Variants in PSD3 observed in about 807,000 individuals in gnomAD.
The protein encoded by PSD3 is PH and SEC7 domain-containing protein 3.
In PSD3, 49 loss-of-function variants were observed where a neutral mutation model predicts 105.5. The ratio of observed to expected loss-of-function variants is 0.46; its 90% CI spans 0.37 to 0.59. The LOEUF is 0.59. PSD3 is among the 20% of genes least tolerant of loss of function. PSD3 has a pLI of 0.00. For synonymous variants in PSD3, 557 were observed against 457.8 expected (o/e 1.22, Z -2.77); for missense variants, 1,561 against 1,263.8 (o/e 1.24, Z -3.57).
At chr8:18,595,286 A>G (rs866719097) in intron 12 of PSD3, among the ~76,000 whole-genome samples, 2 of 151,764 alleles carry the variant, frequency 1.3e-5, no homozygotes, top group Middle Eastern at 6.8e-3. Context: ...TATTACAAAA[A>G]AAAAAAAAAA....
In PSD3 at chr8:18,871,932, C is replaced by T; in HGVS notation, c.932G>A (p.Gly311Glu). ...FQGVEILWTG[G>E]DKRETQHPID... ...AGGATGCTGGGTCTCTCTCTTGTCT[C>T]CTCCTGTCCACAGTATTTCCACTCC... Residue 311 changes from glycine (G) to glutamate (E), a missense_variant, in exon 3 of 16, where the codon GGA becomes GAA. Physicochemically the swap from Gly to Glu is moderately conservative, Grantham distance 98. Transcript: ENST00000327040. The T allele has an allele frequency of 6.2e-7, 1 of 1,614,192 alleles. No homozygotes were observed. Among genetic ancestry groups the T allele is most frequent in the South Asian group, 1.1e-5 (1 of 91,078 alleles).
chr8:19,040,262 G>T (rs1030023688), intron 1 of PSD3, among the ~76,000 whole-genome samples: 1 of 152,048 alleles, frequency 6.6e-6, no homozygotes, highest in Non-Finnish European at 1.5e-5. Flanking sequence ...GAGTGCAGCG[G>T]CATGATCTTC....
intron 4 of PSD3, among the ~76,000 whole-genome samples, chr8:18,844,808 A>G (rs527323062): frequency 6.6e-6 from 1 of 152,364 alleles, no homozygotes; most frequent in African/African-American, 2.4e-5. Context: ...GAAGAATCGT[A>G]CAGCCAAATT....
chr8:18,707,572 T>C (rs1183666277), intron 9 of PSD3, among the ~76,000 whole-genome samples: 1 of 152,172 alleles, frequency 6.6e-6, no homozygotes, highest in Non-Finnish European at 1.5e-5. Context: ...TGCAAGACTA[T>C]GAGATAGATA....
At chr8:18,688,552 C>G (rs1800791301) in intron 9 of PSD3, among the ~76,000 whole-genome samples, 1 of 152,208 alleles carries the variant, frequency 6.6e-6, no homozygotes, top group African/African-American at 2.4e-5. Flanking sequence ...AGTCTGCAAT[C>G]TTTTGCTACA....
chr8:18,945,294 G>A (rs1431386073), intron 1 of PSD3, among the ~76,000 whole-genome samples: 1 of 103,700 alleles, frequency 9.6e-6, no homozygotes, highest in Non-Finnish European at 2.1e-5. Context: ...ATCCTTATAA[G>A]AGGGAAGAAA....
chr8:19,073,388 C>G (rs1334212355), intron 1 of PSD3, among the ~76,000 whole-genome samples: 1 of 151,620 alleles, frequency 6.6e-6, no homozygotes, highest in Non-Finnish European at 1.5e-5. Context: ...CCATCTCTAC[C>G]AATAATACAA....
At position 18,872,668 on chromosome 8, in the gene PSD3, T is replaced by C. The variant is rs758450614; in HGVS notation, c.196A>G (p.Met66Val). 1.9e-5 allele frequency: 30 copies of C among 1,601,578 alleles called. No homozygotes were observed. In the Middle Eastern group the frequency reaches 2.3e-3, roughly 125 times the overall value. Reference protein sequence around the residue: ...VTNEFPEYGTMEEGGEGLRAS... With the variant: ...VTNEFPEYGTVEEGGEGLRAS... ...CTTAGGCCTTCTCCACCTTCCTCCA[T>C]GGTCCCATATTCTGGAAATTCATTT... The change falls in exon 3 of 16, where the codon ATG (methionine) becomes GTG (valine). Residue 66 changes from methionine (M) to valine (V), a missense_variant. By Grantham distance (21) the Met-to-Val change is conservative (BLOSUM62 1). Transcript: ENST00000327040.
chr8:18,563,588 G>A (rs1469973510), intron 14 of PSD3, among the ~76,000 whole-genome samples: 2 of 152,148 alleles, frequency 1.3e-5, no homozygotes, highest in Non-Finnish European at 2.9e-5. Context: ...ATAATTTCAT[G>A]TTTAAGACAG....
At chr8:19,010,664 C>G (rs1826910980) in intron 1 of PSD3, among the ~76,000 whole-genome samples, 1 of 152,108 alleles carries the variant, frequency 6.6e-6, no homozygotes, top group African/African-American at 2.4e-5. Context: ...AATGCCACCA[C>G]TTAAATTCTT....
intron 1 of PSD3, among the ~76,000 whole-genome samples, chr8:19,053,764 C>T (rs1249482729): frequency 6.6e-6 from 1 of 151,916 alleles, no homozygotes; most frequent in Non-Finnish European, 1.5e-5. Flanking sequence ...GTATCTTAAA[C>T]TTTATCACTA....
intron 11 of PSD3, among the ~76,000 whole-genome samples, chr8:18,601,987 C>T (rs1045410059): frequency 6.6e-6 from 1 of 152,134 alleles, no homozygotes; most frequent in Non-Finnish European, 1.5e-5. Flanking sequence ...CACCCACCAG[C>T]CCCTAACAAG....
intron 1 of PSD3, among the ~76,000 whole-genome samples, chr8:18,959,918 C>T (rs1823807809): frequency 6.6e-6 from 1 of 152,192 alleles, no homozygotes; most frequent in Admixed American, 6.5e-5. Context: ...TGTGGTCCCT[C>T]AGGCTGGAAA....
intron 4 of PSD3, among the ~76,000 whole-genome samples, chr8:18,811,892 T>C (rs2129448419): frequency 6.6e-6 from 1 of 152,310 alleles, no homozygotes; most frequent in Middle Eastern, 3.4e-3. Flanking sequence ...TATATTCCAT[T>C]TAGTAACAGA....
At chr8:18,646,812 A>C (rs1174075001) in intron 10 of PSD3, among the ~76,000 whole-genome samples, 1 of 152,216 alleles carries the variant, frequency 6.6e-6, no homozygotes, top group Non-Finnish European at 1.5e-5. Flanking sequence ...TGCTGAGTTA[A>C]GTAAAATATG....
At chr8:18,821,980 C>T (rs1296186607) in intron 4 of PSD3, among the ~76,000 whole-genome samples, 2 of 151,832 alleles carry the variant, frequency 1.3e-5, no homozygotes, top group East Asian at 1.9e-4. Flanking sequence ...ACTTCTAAGC[C>T]CCCGACTGCA....
chr8:18,690,426 C>T (rs1031594780), intron 9 of PSD3, among the ~76,000 whole-genome samples: 1 of 152,206 alleles, frequency 6.6e-6, no homozygotes, highest in South Asian at 2.1e-4. Flanking sequence ...TGGATCAAAA[C>T]GTACTGCTTT....
intron 8 of PSD3, among the ~76,000 whole-genome samples, chr8:18,789,777 T>A (rs1397929311): frequency 6.6e-6 from 1 of 152,206 alleles, no homozygotes; most frequent in Non-Finnish European, 1.5e-5. Flanking sequence ...GTCAGGGGTT[T>A]CAGCCACCAT....
intron 9 of PSD3, among the ~76,000 whole-genome samples, chr8:18,716,711 A>C (rs1463723510): frequency 1.3e-5 from 2 of 152,238 alleles, no homozygotes; most frequent in African/African-American, 4.8e-5. Context: ...ACCTTTCTTA[A>C]TAGACCATTG....
Sources: allele counts gnomAD v4.1 joint callset (sites outside exome capture counted in the v4.1 genomes callset), GRCh38; gene constraint gnomAD v4.1.1; transcripts MANE v1.5; gene names NCBI Gene and HGNC (gene_info 2026-07-23, HGNC 2026-07-21).